The following METAP1 variants were observed in gnomAD, a reference collection of about 807,000 sequenced individuals.
The protein encoded by METAP1 is methionyl aminopeptidase 1, also known as methionine aminopeptidase 1.
METAP1 carries 28 observed loss-of-function variants against 53.8 expected under a neutral mutation model. That is an observed-to-expected ratio of 0.52 (90% CI 0.39 to 0.71). The LOEUF is 0.71. Among genes scored for constraint, METAP1 ranks in the 30% least tolerant of loss-of-function variants. The probability of loss-of-function intolerance (pLI) is 0.00; values close to 1 mark genes in which losing one functional copy is unlikely to be tolerated. For missense variants in METAP1, 389 were observed against 479.8 expected, an observed-to-expected ratio of 0.81 and a Z score of 1.77; for synonymous variants, 181 against 165.7, an observed-to-expected ratio of 1.09 and a Z score of -0.71.
intron 1 of METAP1, chr4:99,026,620 G>A (rs1371981923): frequency 3.7e-5 from 36 of 985,278 alleles, no homozygotes; most frequent in Non-Finnish European, 4.3e-5. Context: ...AGATTGCCCT[G>A]TTAAGGAGTC....
At chr4:99,022,844 T>G (rs1275825110) in intron 1 of METAP1, 17 of 1,569,548 alleles carry the variant, frequency 1.1e-5, no homozygotes, top group Non-Finnish European at 1.4e-5. Context: ...GTACTGCTTT[T>G]TTCCCTCCCA....
chr4:99,022,829 C>A (rs1724231408), intron 1 of METAP1: 1 of 1,579,908 alleles, frequency 6.3e-7, no homozygotes, highest in East Asian at 2.3e-5. Flanking sequence ...GTAGTCCTTG[C>A]TGTGGTACTG....
intron 1 of METAP1, among the ~76,000 whole-genome samples, chr4:99,007,712 G>C (rs1362490596): frequency 6.6e-6 from 1 of 152,140 alleles, no homozygotes; most frequent in Admixed American, 6.5e-5. Context: ...AGGAGCTTTG[G>C]ATTGTTTTCT....
intron 1 of METAP1, among the ~76,000 whole-genome samples, chr4:98,996,807 G>C (rs1722656173): frequency 6.6e-6 from 1 of 152,198 alleles, no homozygotes; most frequent in Admixed American, 6.5e-5. Flanking sequence ...TTACAGTCCA[G>C]GTTTAGTGAA....
At chr4:99,043,142 A>T in intron 6 of METAP1, 107 bp from the exon 7 acceptor site, 1 of 775,030 alleles carries the variant, frequency 1.3e-6, no homozygotes. Context: ...TGAGTTCTTC[A>T]TAGTAGCATG....
At chr4:99,022,626 C>A (rs1056865425) in intron 1 of METAP1, 7 of 785,274 alleles carry the variant, frequency 8.9e-6, no homozygotes, top group African/African-American at 3.5e-5. Flanking sequence ...TCAGGTGCTG[C>A]CTGTGTGCAC....
At chr4:99,039,316 A>G in intron 4 of METAP1, 58 bp from the exon 5 acceptor site, 2 of 1,006,706 alleles carry the variant, frequency 2.0e-6, no homozygotes, top group Non-Finnish European at 3.1e-6. Context: ...ATAATTATGC[A>G]AATAAATACT....
At chr4:99,022,756 G>A (rs1560706015) in intron 1 of METAP1, 1 of 1,602,184 alleles carries the variant, frequency 6.2e-7, no homozygotes, top group Non-Finnish European at 8.5e-7. Context: ...TAGGCGTGTT[G>A]TGTAGACTGG....
chr4:99,046,948 A>G (rs1176527851), intron 8 of METAP1, among the ~76,000 whole-genome samples: 1 of 151,034 alleles, frequency 6.6e-6, no homozygotes, highest in Non-Finnish European at 1.5e-5. Context: ...AAAAAAAAAA[A>G]AAAAAAAAAA....
intron 1 of METAP1, among the ~76,000 whole-genome samples, chr4:99,020,527 G>A (rs551261165): frequency 1.2e-4 from 18 of 151,824 alleles, no homozygotes; most frequent in Non-Finnish European, 2.4e-4. Flanking sequence ...GGAGGAGGTG[G>A]GACTAACTGC....
intron 1 of METAP1, among the ~76,000 whole-genome samples, chr4:99,017,855 T>C (rs1723868441): frequency 6.6e-6 from 1 of 152,246 alleles, no homozygotes; most frequent in African/African-American, 2.4e-5. Context: ...ATCTAAGACT[T>C]TGGACAGAAA....
At chr4:98,998,011 C>T (rs911469556) in intron 1 of METAP1, among the ~76,000 whole-genome samples, 5 of 152,218 alleles carry the variant, frequency 3.3e-5, no homozygotes, top group Admixed American at 2.0e-4. Context: ...ATTTTTCCCG[C>T]AGTCTGATTA....
chr4:99,028,736 T>C (rs1724765428), intron 1 of METAP1, 131 bp from the exon 2 acceptor site: 2 of 543,926 alleles, frequency 3.7e-6, no homozygotes, highest in East Asian at 3.1e-5. Context: ...TTCCCAAATA[T>C]TTAATTCGCA....
In METAP1 at chr4:99,022,264, A is replaced by G. The variant is rs568822632; in HGVS notation, c.115-6603A>G. Reference sequence around the variant, plus strand: ...TCATGATCATTCTATTATGAGGTAGACAGGAAACAGAGCAGGGCCAGGAGA... The same window carrying G: ...TCATGATCATTCTATTATGAGGTAGGCAGGAAACAGAGCAGGGCCAGGAGA... On this transcript the variant is annotated intron_variant, in intron 1 of 10. Coordinates refer to ENST00000296411, the MANE Select transcript of METAP1 (RefSeq NM_015143.3). 12 of 537,782 alleles carry G rather than the reference A, an allele frequency of 2.2e-5. No individual in the cohort carries two copies. In the South Asian group the frequency reaches 1.0e-3, roughly 45 times the overall value. 33.3% of individuals were successfully genotyped at this position (537,782 alleles called of 1,614,324 possible).
intron 9 of METAP1, among the ~76,000 whole-genome samples, chr4:99,049,532 C>A (rs1457973490): frequency 6.6e-6 from 1 of 151,916 alleles, no homozygotes; most frequent in Non-Finnish European, 1.5e-5. Context: ...GGTTGAGTGC[C>A]GTGTGATACA....
At chr4:99,017,372 G>A (rs565691541) in intron 1 of METAP1, among the ~76,000 whole-genome samples, 6 of 152,290 alleles carry the variant, frequency 3.9e-5, no homozygotes, top group South Asian at 2.1e-4. Flanking sequence ...AGCCTTCGGC[G>A]GAATAGTTAT....
At chr4:99,049,316 G>C (rs1726502140) in intron 9 of METAP1, among the ~76,000 whole-genome samples, 1 of 152,136 alleles carries the variant, frequency 6.6e-6, no homozygotes, top group South Asian at 2.1e-4. Flanking sequence ...CAAGGGAGAT[G>C]GGAAAACGTA....
intron 1 of METAP1, among the ~76,000 whole-genome samples, chr4:99,011,043 G>GTT (rs71588993): frequency 0.087 from 12,990 of 149,742 alleles, 704 homozygotes; most frequent in East Asian, 0.23. Flanking sequence ...AGCTCTAACA[G>GTT]TTTTTTTTTT....
intron 1 of METAP1, among the ~76,000 whole-genome samples, chr4:99,019,863 CCTT>C (rs1368293461): frequency 6.6e-6 from 1 of 152,186 alleles, no homozygotes; most frequent in Non-Finnish European, 1.5e-5. Flanking sequence ...AATCAGCATA[CCTT>C]CTTATCTGCT....
Sources: gnomAD v4.1 joint callset for allele counts (sites outside exome capture counted in the v4.1 genomes callset) on GRCh38, gnomAD v4.1.1 for gene constraint, MANE v1.5 for transcripts, NCBI Gene and HGNC (gene_info 2026-07-23, HGNC 2026-07-21) for gene names.